Variants in NOVA1 observed in about 807,000 individuals in gnomAD.
NOVA1 encodes the protein RNA-binding protein Nova-1.
In NOVA1, 7 loss-of-function variants were observed where a neutral mutation model predicts 38.0. The observed-to-expected ratio is 0.18, with a 90% CI of 0.10 to 0.35. The LOEUF (loss-of-function observed/expected upper bound fraction) is 0.35, where lower values mean the gene tolerates loss of function less well. NOVA1 is among the 10% of genes least tolerant of loss of function. The pLI, the probability that NOVA1 is intolerant of heterozygous loss-of-function variation, is 1.00. For missense variants in NOVA1, 460 were observed against 616.0 expected (o/e 0.75, Z 2.68); for synonymous variants, 270 against 232.5 (o/e 1.16, Z -1.47).
At chr14:26,520,526 T>G (rs868855597) in intron 2 of NOVA1, among the ~76,000 whole-genome samples, 41 of 152,062 alleles carry the variant, frequency 2.7e-4, no homozygotes, top group Non-Finnish European at 3.8e-4. Flanking sequence ...AAGCACAAAA[T>G]TAAGCCGTGG....
intron 2 of NOVA1, among the ~76,000 whole-genome samples, chr14:26,548,670 A>T: frequency 6.6e-6 from 1 of 152,290 alleles, no homozygotes; most frequent in Non-Finnish European, 1.5e-5. Flanking sequence ...ACTATTACTA[A>T]AGACAGCACT....
At chr14:26,564,420 G>A in intron 2 of NOVA1, among the ~76,000 whole-genome samples, 1 of 152,108 alleles carries the variant, frequency 6.6e-6, no homozygotes, top group Non-Finnish European at 1.5e-5. Context: ...GGAAGCACAG[G>A]TTAACTGGCT....
chr14:26,556,009 A>G (rs178167), intron 2 of NOVA1, among the ~76,000 whole-genome samples: 145,124 of 152,184 alleles, frequency 0.95, 69,560 homozygotes, highest in East Asian at 1. Flanking sequence ...AATCAAAGAC[A>G]ATCTAAGTAA....
intron 2 of NOVA1, among the ~76,000 whole-genome samples, chr14:26,487,702 T>C (rs1594384731): frequency 1.3e-5 from 2 of 152,164 alleles, no homozygotes; most frequent in African/African-American, 4.8e-5. Context: ...TTTCAGTTGA[T>C]TGTGGAAAAA....
intron 2 of NOVA1, among the ~76,000 whole-genome samples, chr14:26,574,546 A>T (rs1381991096): frequency 6.6e-6 from 1 of 152,140 alleles, no homozygotes; most frequent in East Asian, 1.9e-4. Context: ...TTTTATTAAC[A>T]AATAGCTTTA....
chr14:26,482,295 TA>T (rs1292499116), intron 2 of NOVA1, among the ~76,000 whole-genome samples: 2 of 151,832 alleles, frequency 1.3e-5, no homozygotes, highest in African/African-American at 4.8e-5. Flanking sequence ...ACTATTAACA[TA>T]AAAAAAGGAA....
At chr14:26,454,552 G>C (rs537697925) in intron 4 of NOVA1, among the ~76,000 whole-genome samples, 3 of 152,178 alleles carry the variant, frequency 2.0e-5, no homozygotes, top group Non-Finnish European at 2.9e-5. Flanking sequence ...CCTGTCTAAA[G>C]CCATCACAGA....
At chr14:26,474,796 A>G (rs989268849) in intron 3 of NOVA1, among the ~76,000 whole-genome samples, 3 of 151,978 alleles carry the variant, frequency 2.0e-5, no homozygotes, top group African/African-American at 2.4e-5. Context: ...AGTTGTCTCT[A>G]TATTTTCTTA....
chr14:26,504,422 A>C (rs1038394527), intron 2 of NOVA1, among the ~76,000 whole-genome samples: 4 of 152,208 alleles, frequency 2.6e-5, no homozygotes, highest in African/African-American at 7.2e-5. Context: ...CATGTAGCTC[A>C]AGAGAGTAAA....
intron 2 of NOVA1, among the ~76,000 whole-genome samples, chr14:26,560,406 G>A (rs542609518): frequency 3.9e-5 from 6 of 152,122 alleles, no homozygotes; most frequent in Admixed American, 2.0e-4. Flanking sequence ...ATAATTTCCT[G>A]AGGCTTTTGG....
At chr14:26,484,540 C>T (rs1267664426) in intron 2 of NOVA1, among the ~76,000 whole-genome samples, 1 of 151,776 alleles carries the variant, frequency 6.6e-6, no homozygotes, top group African/African-American at 2.4e-5. Context: ...ACCTCATACC[C>T]CTCTTCTAGT....
intron 2 of NOVA1, among the ~76,000 whole-genome samples, chr14:26,547,574 A>T (rs1890866803): frequency 6.6e-6 from 1 of 152,126 alleles, no homozygotes; most frequent in Admixed American, 6.6e-5. Context: ...AACTTGTATA[A>T]TTTAAAAATA....
intron 2 of NOVA1, among the ~76,000 whole-genome samples, chr14:26,591,660 A>T (rs949214999): frequency 6.6e-6 from 1 of 151,764 alleles, no homozygotes; most frequent in African/African-American, 2.4e-5. Flanking sequence ...GCAAAAAATT[A>T]TCATAATTAT....
At chr14:26,497,901 T>C (rs1389508498) in intron 2 of NOVA1, among the ~76,000 whole-genome samples, 3 of 152,160 alleles carry the variant, frequency 2.0e-5, no homozygotes, top group Non-Finnish European at 4.4e-5. Context: ...TGCTAGTAAC[T>C]ATATACTGTT....
chr14:26,582,947 G>C (rs1328144230), intron 2 of NOVA1, among the ~76,000 whole-genome samples: 1 of 151,740 alleles, frequency 6.6e-6, no homozygotes, highest in Non-Finnish European at 1.5e-5. Flanking sequence ...GGCATATCTA[G>C]CTCATTATCA....
At chr14:26,595,643 A>C in intron 1 of NOVA1, 90 bp from the exon 2 acceptor site, 1 of 1,090,880 alleles carries the variant, frequency 9.2e-7, no homozygotes, top group Non-Finnish European at 1.3e-6. Context: ...ACAGCAACTA[A>C]AGCACTGGGT....
At chr14:26,495,481 T>G (rs1191905156) in intron 2 of NOVA1, among the ~76,000 whole-genome samples, 1 of 152,194 alleles carries the variant, frequency 6.6e-6, no homozygotes, top group Non-Finnish European at 1.5e-5. Context: ...TGAGCCCTAT[T>G]ATAACAAGCT....
chr14:26,572,988 T>C (rs745940606), intron 2 of NOVA1, among the ~76,000 whole-genome samples: 72 of 152,200 alleles, frequency 4.7e-4, no homozygotes, highest in Non-Finnish European at 9.7e-4. Context: ...GAGCTGAACA[T>C]ATGACTTAAG....
At chr14:26,560,110 T>C (rs560304660) in intron 2 of NOVA1, among the ~76,000 whole-genome samples, 42 of 152,186 alleles carry the variant, frequency 2.8e-4, no homozygotes, top group Admixed American at 4.6e-4. Context: ...CAAACTGATA[T>C]CATGACTCTA....
Sources: allele counts gnomAD v4.1 joint callset (sites outside exome capture counted in the v4.1 genomes callset), GRCh38; gene constraint gnomAD v4.1.1; transcripts MANE v1.5; gene names NCBI Gene and HGNC (gene_info 2026-07-23, HGNC 2026-07-21).